GABRR2: variants seen among roughly 807,000 people sequenced by gnomAD.
The protein encoded by GABRR2 is gamma-aminobutyric acid type A receptor subunit rho2, also known as gamma-aminobutyric acid receptor subunit rho-2.
Under a neutral mutation model 47.0 loss-of-function variants are expected in GABRR2, and 36 were observed. The ratio of observed to expected loss-of-function variants is 0.77; its 90% confidence interval spans 0.59 to 1.01. The LOEUF is 1.01. Ranked by LOEUF, GABRR2 falls within the 50% of genes least tolerant of loss-of-function variation. The pLI is 0.00. For missense variants in GABRR2, 587 were observed against 594.6 expected (o/e 0.99, Z 0.13); for synonymous variants, 204 against 227.5 (o/e 0.90, Z 0.93).
At chr6:89,314,420 T>C (rs1767729628) in intron 1 of GABRR2, among the ~76,000 whole-genome samples, 1 of 152,242 alleles carries the variant, frequency 6.6e-6, no homozygotes, top group East Asian at 1.9e-4. Flanking sequence ...TGTAATGTAA[T>C]GATTTTGAAT....
Position 89,265,593 on chromosome 6 carries a change from A to C in GABRR2, c.889+20T>G. 1 of 1,604,076 alleles carries C rather than the reference A, an allele frequency of 6.2e-7. No individual in the cohort carries two copies. Among genetic ancestry groups the C allele is most frequent in the Non-Finnish European group, 8.5e-7 (1 of 1,176,166 alleles). ...TTGAAAAAAATAACCACCCTACCAC[A>C]CCTTATGAAATGCTTTTACCCAGTG... On this transcript the variant is annotated intron_variant, in intron 7 of 8. Coordinates refer to ENST00000402938, the MANE Select transcript of GABRR2 (RefSeq NM_002043.5).
chr6:89,259,324 A>G (rs1773684066), intron 8 of GABRR2, among the ~76,000 whole-genome samples: 2 of 152,220 alleles, frequency 1.3e-5, no homozygotes, highest in Non-Finnish European at 1.5e-5. Context: ...GATGAATATC[A>G]TAAAGCTTTA....
At position 89,257,571 on chromosome 6, in the gene GABRR2, T is replaced by G; in HGVS notation, c.*99A>C. 1.0e-6 allele frequency: 1 copy of G among 952,670 alleles called. No individual in the cohort carries two copies. Among genetic ancestry groups the G allele is most frequent in the African/African-American group, 1.7e-5 (1 of 60,360 alleles). The allele number at this position is 952,670 out of a possible 1,614,324, so 59.0% of individuals were successfully genotyped here. On this transcript the variant is annotated 3_prime_UTR_variant, in exon 9 of 9. Coordinates refer to ENST00000402938, the MANE Select transcript of GABRR2 (RefSeq NM_002043.5). ...TCAGGGTGGTCCAGTAGCTGCTGCA[T>G]TGTTTGGTGAGGGGCGTGTGGTCAA...
rs1360319998 is a variant in GABRR2, at chr6:89,265,622, C to T, written c.880G>A (p.Val294Ile). The T allele has an allele frequency of 1.9e-6, 3 of 1,613,310 alleles. No individual in the cohort carries two copies. Among genetic ancestry groups the T allele is most frequent in the East Asian group, 2.2e-5 (1 of 44,872 alleles). ...TATGAAATGCTTTTACCCAGTGAAACTCTGGCAGGCACAGCTCTGCGGTCG... is the reference window on the plus strand; with the variant it reads ...TATGAAATGCTTTTACCCAGTGAAATTCTGGCAGGCACAGCTCTGCGGTCG... ...WIDRRAVPAR[V>I]SLGITTVLTM... The change falls in exon 7 of 9, where the codon GTT becomes ATT. Residue 294 changes from valine (V) to isoleucine (I), a missense_variant. Coordinates refer to ENST00000402938, the MANE Select transcript of GABRR2 (RefSeq NM_002043.5).
intron 1 of GABRR2, chr6:89,302,840 C>G: frequency 1.5e-6 from 2 of 1,367,502 alleles, no homozygotes; most frequent in Admixed American, 3.5e-5. Context: ...TCCCACCCCC[C>G]AGCCTCAAGA....
chr6:89,257,625 C>G lies in GABRR2; in HGVS notation c.*45G>C, dbSNP rs771593200. The G allele has an allele frequency of 1.1e-5, 17 of 1,482,196 alleles. No individual in the cohort carries two copies. The highest frequency in any genetic ancestry group is 1.5e-5 in the Non-Finnish European group (16 of 1,088,506). The allele number at this position is 1,482,196 out of a possible 1,614,324, so 91.8% of individuals were successfully genotyped here. On this transcript the variant is annotated 3_prime_UTR_variant, in exon 9 of 9. Coordinates refer to ENST00000402938, the MANE Select transcript of GABRR2 (RefSeq NM_002043.5). ...GTCCGTCTGTCAATGACTGGCCAGGCCCCCTCGATGTCTATGCCCTCTTCT... is the reference window on the plus strand; with the variant it reads ...GTCCGTCTGTCAATGACTGGCCAGGGCCCCTCGATGTCTATGCCCTCTTCT...
chr6:89,265,605 G>C lies in GABRR2; in HGVS notation c.889+8C>G, dbSNP rs1159394565. On this transcript the variant is annotated splice_region_variant and intron_variant, in intron 7 of 8. Transcript: ENST00000402938. ...ACCACCCTACCACACCTTATGAAAT[G>C]CTTTTACCCAGTGAAACTCTGGCAG... The C allele has an allele frequency of 1.2e-6, 2 of 1,611,402 alleles. No homozygotes were observed. The highest frequency in any genetic ancestry group is 1.1e-5 in the South Asian group (1 of 90,520).
chr6:89,271,850 G>C (rs747677562), intron 2 of GABRR2, 128 bp from the exon 3 acceptor site: 8 of 709,980 alleles, frequency 1.1e-5, no homozygotes, highest in Non-Finnish European at 2.0e-5. Context: ...AGAATTCTAT[G>C]AGGGTTTCTT....
chr6:89,260,875 T>C (rs1175645448), intron 8 of GABRR2, among the ~76,000 whole-genome samples: 3 of 152,190 alleles, frequency 2.0e-5, no homozygotes, highest in African/African-American at 7.2e-5. Context: ...CTATGAATAT[T>C]AGTTTCTCTG....
At chr6:89,290,252 A>G (rs1386154806) in intron 2 of GABRR2, among the ~76,000 whole-genome samples, 1 of 152,256 alleles carries the variant, frequency 6.6e-6, no homozygotes, top group Non-Finnish European at 1.5e-5. Flanking sequence ...GTGCCAGCAC[A>G]GGCAGACTGG....
Position 89,297,942 on chromosome 6 carries a change from T to C in GABRR2, c.220+1817A>G, listed in dbSNP as rs118103495. On this transcript the variant is annotated intron_variant, in intron 2 of 8. Transcript: ENST00000402938. ...GCCTCTATGCTCTTAACTGTTGCTGTGCAAGAAAAGTGGAGCTTCTTGCTT... is the reference window on the plus strand; with the variant it reads ...GCCTCTATGCTCTTAACTGTTGCTGCGCAAGAAAAGTGGAGCTTCTTGCTT... Among the ~76,000 whole-genome samples, 633 of 152,366 alleles carry C rather than the reference T, an allele frequency of 4.2e-3. 14 individuals are homozygous for C. The highest frequency in any genetic ancestry group is 0.032 in the East Asian group (164 of 5,192).
At chr6:89,308,603 C>A (rs1307287634) in intron 1 of GABRR2, among the ~76,000 whole-genome samples, 1 of 152,108 alleles carries the variant, frequency 6.6e-6, no homozygotes, top group Non-Finnish European at 1.5e-5. Flanking sequence ...CGATTTACAC[C>A]CCTACTTCTA....
rs1201157526 is a variant in GABRR2 at position 89,257,845 on chromosome 6, A to T, written c.1223T>A (p.Val408Glu). Reference sequence around the variant, plus strand: ...TTCACCACTCAGGCCCAGGTGGACCACTATTTTGTCTTGCCTTTCTTCTTC... The same window carrying T: ...TTCACCACTCAGGCCCAGGTGGACCTCTATTTTGTCTTGCCTTTCTTCTTC... ...LTEEERQDKI[V>E]VHLGLSGEAN... Residue 408 changes from valine (V) to glutamate (E), a missense_variant, in exon 9 of 9, where the codon GTG becomes GAG. Transcript: ENST00000402938. 2 of 1,613,926 alleles carry T rather than the reference A, an allele frequency of 1.2e-6. No homozygotes were observed. Among genetic ancestry groups the T allele is most frequent in the African/African-American group, 2.7e-5 (2 of 74,942 alleles).
intron 6 of GABRR2, among the ~76,000 whole-genome samples, chr6:89,266,289 A>T (rs1773893574): frequency 6.6e-6 from 1 of 152,008 alleles, no homozygotes; most frequent in Non-Finnish European, 1.5e-5. Context: ...CCTAGGCTAT[A>T]GTTGTTTGTT....
chr6:89,293,621 A>G (rs556431136), intron 2 of GABRR2, among the ~76,000 whole-genome samples: 1 of 152,232 alleles, frequency 6.6e-6, no homozygotes, highest in African/African-American at 2.4e-5. Context: ...ACCTGTCTCT[A>G]CACAAAATAT....
At chr6:89,280,306 T>C (rs1402281331) in intron 2 of GABRR2, among the ~76,000 whole-genome samples, 1 of 148,254 alleles carries the variant, frequency 6.7e-6, no homozygotes, top group East Asian at 2.0e-4. Flanking sequence ...ACATTGTCAT[T>C]ATTATTATGG....
intron 1 of GABRR2, among the ~76,000 whole-genome samples, chr6:89,305,316 T>C (rs771926296): frequency 1.3e-5 from 2 of 152,194 alleles, no homozygotes; most frequent in Non-Finnish European, 2.9e-5. Flanking sequence ...AATTGTGCCA[T>C]TGCTCTCCAG....
Position 89,315,241 on chromosome 6 carries a change from T to G in GABRR2, c.-76A>C. 6.2e-7 allele frequency: 1 copy of G among 1,605,590 alleles called. No individual in the cohort carries two copies. On this transcript the variant is annotated 5_prime_UTR_variant, in exon 1 of 9. Coordinates refer to ENST00000402938, the MANE Select transcript of GABRR2 (RefSeq NM_002043.5). ...AGCAAATCCCCCCTGGCTTGACCATTGATCCATCTGCTGCCTCCTGACGGG... is the reference window on the plus strand; with the variant it reads ...AGCAAATCCCCCCTGGCTTGACCATGGATCCATCTGCTGCCTCCTGACGGG...
chr6:89,256,858 T>C lies in GABRR2; in HGVS notation c.*812A>G, dbSNP rs1359617148. Among the ~76,000 whole-genome samples the C allele has an allele frequency of 2.6e-5, 4 of 152,168 alleles. No individual in the cohort carries two copies. The highest frequency in any genetic ancestry group is 9.7e-5 in the African/African-American group (4 of 41,422). On this transcript the variant is annotated 3_prime_UTR_variant, in exon 9 of 9. Coordinates refer to ENST00000402938, the MANE Select transcript of GABRR2 (RefSeq NM_002043.5). ...TCTGTGTAACTTCACTGGAGGAGGA[T>C]AGTTGAAAGTTCTGGACCTGGCCTC...
Sources: gnomAD v4.1 joint callset for allele counts (sites outside exome capture counted in the v4.1 genomes callset) on GRCh38, gnomAD v4.1.1 for gene constraint, MANE v1.5 for transcripts, NCBI Gene and HGNC (gene_info 2026-07-23, HGNC 2026-07-21) for gene names.